The following HIBCH variants were observed in gnomAD, a reference collection of about 807,000 sequenced individuals.
HIBCH encodes 3-hydroxyisobutyryl-CoA hydrolase, mitochondrial.
Under a neutral mutation model 58.2 loss-of-function variants are expected in HIBCH, and 50 were observed. That is an observed-to-expected ratio of 0.86 (90% confidence interval 0.68 to 1.09). The LOEUF is 1.09. HIBCH is among the 50% of genes least tolerant of loss of function. The pLI, the probability that HIBCH is intolerant of heterozygous loss-of-function variation, is 0.00. For missense variants in HIBCH, 450 were observed against 449.7 expected (o/e 1.00, Z -0.01); for synonymous variants, 151 against 146.9 (o/e 1.03, Z -0.20).
At chr2:190,195,529 A>G (rs1689928979) in intron 1 of HIBCH, among the ~76,000 whole-genome samples, 1 of 152,168 alleles carries the variant, frequency 6.6e-6, no homozygotes, top group Non-Finnish European at 1.5e-5. Flanking sequence ...ACTTTTCCAT[A>G]CGTTTATGTG....
At position 190,216,120 on chromosome 2, in the gene HIBCH, G is replaced by C. The variant is rs1053024418; in HGVS notation, c.892-3045C>G. 6.6e-6 allele frequency: 1 copy of C among 152,656 alleles called. No individual in the cohort carries two copies. The highest frequency in any genetic ancestry group is 2.4e-5 in the African/African-American group (1 of 41,434). The allele number at this position is 152,656 out of a possible 1,614,324, so 9.5% of individuals were successfully genotyped here. A position where few individuals can be genotyped will look rare whatever the true frequency, so the allele number is the denominator to read the frequency against. ...AAAAATAATGTAAAAGGAAGAAAGA[G>C]TACAAGAGGAGGTGAGAGGATGTGG... On this transcript the variant is annotated intron_variant, in intron 11 of 13. Transcript: ENST00000359678. This position sits in a 1 kb window ranked among gnomAD's most constrained non-coding sequence, Gnocchi z 4.2.
chr2:190,225,181 T>C (rs1038449966), intron 11 of HIBCH, among the ~76,000 whole-genome samples: 1 of 152,068 alleles, frequency 6.6e-6, no homozygotes, highest in Non-Finnish European at 1.5e-5. Context: ...AGATCTAAAA[T>C]TGACACCCTA....
intron 11 of HIBCH, among the ~76,000 whole-genome samples, chr2:190,230,228 A>G (rs1575708359): frequency 6.6e-6 from 1 of 152,170 alleles, no homozygotes; most frequent in South Asian, 2.1e-4. Flanking sequence ...TCTGACCAAT[A>G]AAGAGCCTGA....
chr2:190,271,768 T>C (rs1687408665), intron 6 of HIBCH, among the ~76,000 whole-genome samples: 1 of 152,144 alleles, frequency 6.6e-6, no homozygotes, highest in Non-Finnish European at 1.5e-5. Flanking sequence ...TAGCTCTCCA[T>C]ATTGATCTGA....
At position 190,287,576 on chromosome 2, in the gene HIBCH, G is replaced by A. The variant is rs1575750364; in HGVS notation, c.438+10C>T. 3.2e-6 allele frequency: 5 copies of A among 1,582,324 alleles called. No homozygotes were observed. Among genetic ancestry groups the A allele is most frequent in the Non-Finnish European group, 4.3e-6 (5 of 1,151,562 alleles). On this transcript the variant is annotated intron_variant, in intron 6 of 13. Transcript: ENST00000359678. ...ACTCATACAATGATCAGAGTAAAAAGTCTACTTACCCCACCCATTGTAATT... is the reference window on the plus strand; with the variant it reads ...ACTCATACAATGATCAGAGTAAAAAATCTACTTACCCCACCCATTGTAATT...
chr2:190,299,253 G>A (rs1032909710), intron 2 of HIBCH, among the ~76,000 whole-genome samples: 6 of 152,222 alleles, frequency 3.9e-5, no homozygotes, highest in African/African-American at 1.2e-4. Context: ...TTTATATAAC[G>A]TTTAAGTTCT....
At chr2:190,195,217 C>T (rs1689911846) in intron 1 of HIBCH, among the ~76,000 whole-genome samples, 2 of 152,118 alleles carry the variant, frequency 1.3e-5, no homozygotes, top group African/African-American at 4.8e-5. Context: ...ACAGTTTACC[C>T]ATTCACCAAG....
chr2:190,200,642 TG>T (rs1236111176), downstream of HIBCH: 2 of 172,114 alleles, frequency 1.2e-5, no homozygotes, highest in African/African-American at 2.4e-5. Context: ...CTCTACTTCT[TG>T]ACACAAATGA....
intron 2 of HIBCH, among the ~76,000 whole-genome samples, chr2:190,300,939 C>T (rs2251867): frequency 0.73 from 111,187 of 152,220 alleles, 41,029 homozygotes; most frequent in Non-Finnish European, 0.75. Context: ...ATTAGTCAGG[C>T]TCGTCAAAGA....
chr2:190,282,379 T>C (rs1687724108), intron 6 of HIBCH, among the ~76,000 whole-genome samples: 2 of 152,220 alleles, frequency 1.3e-5, no homozygotes, highest in East Asian at 1.9e-4. Context: ...GAGGGCCTTA[T>C]GTTACATGAA....
In HIBCH at chr2:190,290,487, T is replaced by A. The variant is rs755454222; in HGVS notation, c.305-2A>T. ...TTGCCTTTTCAGCTTCCGAGATCAC[T>A]AGGAAGGAAAGATTACAAATAAAAA... On this transcript the variant is annotated splice_acceptor_variant, in intron 4 of 13. Transcript: ENST00000359678. LOFTEE classifies it high-confidence loss of function. 5.7e-6 allele frequency: 9 copies of A among 1,587,002 alleles called. No homozygotes were observed. The African/African-American group carries it at 1.2e-4, about 21-fold the overall frequency.
At chr2:190,199,677 A>C (rs1690153627), downstream of HIBCH, 2 of 1,402,874 alleles carry the variant, frequency 1.4e-6, no homozygotes, top group Non-Finnish European at 1.9e-6. Flanking sequence ...TTCAAAATGA[A>C]ACCTACCTTC....
intron 6 of HIBCH, among the ~76,000 whole-genome samples, chr2:190,270,848 A>G (rs1473483713): frequency 6.6e-6 from 1 of 152,284 alleles, no homozygotes; most frequent in East Asian, 1.9e-4. Context: ...GCATCTTAAT[A>G]TGTATATTGA....
chr2:190,270,717 G>T (rs1408733040), intron 6 of HIBCH, among the ~76,000 whole-genome samples: 3 of 152,080 alleles, frequency 2.0e-5, no homozygotes, highest in Non-Finnish European at 4.4e-5. Flanking sequence ...TTACTATTAT[G>T]ACTATTAAAT....
chr2:190,218,039 T>G (rs1171724359), intron 11 of HIBCH, among the ~76,000 whole-genome samples: 1 of 151,906 alleles, frequency 6.6e-6, no homozygotes, highest in Non-Finnish European at 1.5e-5. Context: ...GGGTGGAAAG[T>G]AGGAAATATC....
At chr2:190,222,325 G>C (rs980270365) in intron 11 of HIBCH, among the ~76,000 whole-genome samples, 1 of 151,952 alleles carries the variant, frequency 6.6e-6, no homozygotes, top group Non-Finnish European at 1.5e-5. Flanking sequence ...GTGCACTACA[G>C]TTACTGCCCA....
intron 7 of HIBCH, 117 bp downstream of exon 7, chr2:190,261,038 CT>C (rs1309603706): frequency 1.3e-6 from 1 of 756,246 alleles, no homozygotes; most frequent in East Asian, 2.6e-5. Flanking sequence ...TTTTAAAATC[CT>C]TTCATTGTTG....
chr2:190,232,826 C>T (rs1575710520), intron 11 of HIBCH, among the ~76,000 whole-genome samples: 2 of 151,886 alleles, frequency 1.3e-5, no homozygotes, highest in Admixed American at 6.6e-5. Flanking sequence ...GGTGTGGTGG[C>T]GGGCACCTGT....
rs1401600658 is a variant in HIBCH at position 190,214,669 on chromosome 2, T to C, written c.892-1594A>G. The stretch of plus-strand genomic sequence containing the variant: ...AGAGGATGTGGGTTATGTTCTTTGT[T>C]GGATTAGTGATTTAACCCCATGTTC... On this transcript the variant is annotated intron_variant, in intron 11 of 13. Coordinates refer to ENST00000359678, the MANE Select transcript of HIBCH (RefSeq NM_014362.4). This position sits in a 1 kb window ranked among gnomAD's most constrained non-coding sequence, Gnocchi z 5.5. 1 of 152,210 alleles carries C rather than the reference T, an allele frequency of 6.6e-6. No homozygotes were observed. Among genetic ancestry groups the C allele is most frequent in the African/African-American group, 2.4e-5 (1 of 41,436 alleles). 9.4% of individuals were successfully genotyped at this position (152,210 alleles called of 1,614,324 possible). A position where few individuals can be genotyped will look rare whatever the true frequency, so the allele number is the denominator to read the frequency against.
Sources: allele counts gnomAD v4.1 joint callset (sites outside exome capture counted in the v4.1 genomes callset), GRCh38; gene constraint gnomAD v4.1.1; non-coding constraint Gnocchi (gnomAD v3.1); transcripts MANE v1.5; gene names NCBI Gene and HGNC (gene_info 2026-07-23, HGNC 2026-07-21).